The following SENP6 variants were observed in gnomAD, a reference collection of about 807,000 sequenced individuals.
The protein encoded by SENP6 is sentrin-specific protease 6.
Under a neutral mutation model 134.5 loss-of-function variants are expected in SENP6, and 41 were observed. The observed-to-expected ratio is 0.30, with a 90% CI of 0.24 to 0.40. SENP6 has a LOEUF of 0.40. Ranked by LOEUF, SENP6 falls within the 10% of genes least tolerant of loss-of-function variation. The probability of loss-of-function intolerance (pLI) is 1.00; values close to 1 mark genes in which losing one functional copy is unlikely to be tolerated. For synonymous variants in SENP6, 395 were observed against 429.8 expected (o/e 0.92, Z 1.00); for missense variants, 1,248 against 1,312.5 (o/e 0.95, Z 0.76).
At position 75,717,738 on chromosome 6, in the gene SENP6, T is replaced by C. The variant is rs566750972; in HGVS notation, c.*2144T>C. 17 of 152,306 alleles carry C rather than the reference T, an allele frequency of 1.1e-4. No homozygotes were observed. Among genetic ancestry groups the C allele is most frequent in the South Asian group, 6.2e-4 (3 of 4,832 alleles). 9.4% of individuals were successfully genotyped at this position (152,306 alleles called of 1,614,324 possible). On this transcript the variant is annotated 3_prime_UTR_variant, in exon 24 of 24. Coordinates refer to ENST00000447266, the MANE Select transcript of SENP6 (RefSeq NM_015571.4). Reference sequence around the variant, plus strand: ...CTTAGAAGTTGTAAAACAGAACTTATAGAGGTTTGTTACTAGACACTGAAA... The same window carrying C: ...CTTAGAAGTTGTAAAACAGAACTTACAGAGGTTTGTTACTAGACACTGAAA...
At chr6:75,629,347 G>A (rs1425603598) in intron 3 of SENP6, among the ~76,000 whole-genome samples, 3 of 152,060 alleles carry the variant, frequency 2.0e-5, no homozygotes, top group Non-Finnish European at 4.4e-5. Flanking sequence ...CCCCCAGGCA[G>A]GAGTGCAGTG....
At chr6:75,694,289 A>C (rs573280099) in intron 16 of SENP6, among the ~76,000 whole-genome samples, 1 of 152,324 alleles carries the variant, frequency 6.6e-6, no homozygotes, top group African/African-American at 2.4e-5. Context: ...ATGTAAGATC[A>C]CTTTACAGAG....
At chr6:75,612,539 C>T (rs1184993777) in intron 1 of SENP6, among the ~76,000 whole-genome samples, 1 of 152,034 alleles carries the variant, frequency 6.6e-6, no homozygotes, top group African/African-American at 2.4e-5. Context: ...CTATGCTGCT[C>T]AGGCTGCTCT....
In SENP6 at chr6:75,685,636, C is replaced by T. The variant is rs532312273; in HGVS notation, c.2075+6709C>T. ...CTGGTTTCAAAGAACATCTTTATTT[C>T]TGTCTTCATTTCGTTATTTACCCGT... On this transcript the variant is annotated intron_variant, in intron 16 of 23. Transcript: ENST00000447266. 5.9e-5 allele frequency among the ~76,000 whole-genome samples: 9 copies of T among 152,298 alleles called. No homozygotes were observed. The East Asian group carries it at 1.7e-3, about 29-fold the overall frequency.
intron 1 of SENP6, chr6:75,620,633 C>G (rs953096440): frequency 2.0e-5 from 3 of 152,220 alleles, no homozygotes; most frequent in African/African-American, 7.2e-5. Context: ...TGAGAACATT[C>G]AGACCATAGC....
At chr6:75,622,877 G>A (rs1020513670) in intron 2 of SENP6, 3 of 1,127,208 alleles carry the variant, frequency 2.7e-6, no homozygotes, top group Non-Finnish European at 3.5e-6. Flanking sequence ...CTCATTTAAA[G>A]TCAGTATTTT....
intron 18 of SENP6, among the ~76,000 whole-genome samples, chr6:75,702,267 G>T (rs978517080): frequency 6.7e-6 from 1 of 149,948 alleles, no homozygotes; most frequent in Non-Finnish European, 1.5e-5. Flanking sequence ...CCCCAAGCTG[G>T]AATGCTGTGG....
intron 17 of SENP6, among the ~76,000 whole-genome samples, chr6:75,696,620 G>GCA (rs1774682062): frequency 1.3e-5 from 2 of 152,042 alleles, no homozygotes; most frequent in African/African-American, 4.8e-5. Context: ...TGGGACTAAG[G>GCA]CACACGCCAC....
intron 16 of SENP6, among the ~76,000 whole-genome samples, chr6:75,690,782 G>A (rs1023866661): frequency 4.0e-5 from 6 of 151,080 alleles, no homozygotes; most frequent in African/African-American, 1.5e-4. Context: ...TGCAAGCTCC[G>A]CCTCACGGGT....
rs527809755 is a variant in SENP6, at chr6:75,702,497, C to T, written c.2289-148C>T. 6.3e-5 allele frequency: 44 copies of T among 700,554 alleles called. 1 individual carries two copies. The South Asian group carries it at 7.2e-4, about 11-fold the overall frequency. 43.4% of individuals were successfully genotyped at this position (700,554 alleles called of 1,614,324 possible). On this transcript the variant is annotated intron_variant, in intron 18 of 23. Coordinates refer to ENST00000447266, the MANE Select transcript of SENP6 (RefSeq NM_015571.4). The stretch of plus-strand genomic sequence containing the variant: ...CCTCCCAAAGTGCTGGGATTACTGG[C>T]GTGAGCTACTGCGCCCGGCCAGAAT...
chr6:75,691,460 T>C (rs1339398975), intron 16 of SENP6, among the ~76,000 whole-genome samples: 1 of 152,236 alleles, frequency 6.6e-6, no homozygotes, highest in Non-Finnish European at 1.5e-5. Context: ...TTCCATTTTA[T>C]GGAATAGCAA....
At chr6:75,709,979 T>G (rs1347061371) in intron 20 of SENP6, among the ~76,000 whole-genome samples, 2 of 152,208 alleles carry the variant, frequency 1.3e-5, no homozygotes, top group African/African-American at 4.8e-5. Flanking sequence ...TTGCTGCTAC[T>G]GTGGTGTGGA....
chr6:75,667,262 A>G (rs112225378), intron 10 of SENP6, among the ~76,000 whole-genome samples: 2,583 of 152,316 alleles, frequency 0.017, 75 homozygotes, highest in African/African-American at 0.06. Context: ...ATTTTACTGT[A>G]ATACTATGTT....
intron 16 of SENP6, among the ~76,000 whole-genome samples, chr6:75,688,118 C>G (rs1207225282): frequency 6.6e-6 from 1 of 152,242 alleles, no homozygotes. Context: ...GCCCCTCCCC[C>G]AGTCAGGCTC....
intron 1 of SENP6, among the ~76,000 whole-genome samples, chr6:75,609,119 A>T (rs1314178565): frequency 7.3e-6 from 1 of 137,522 alleles, no homozygotes; most frequent in East Asian, 1.9e-4. Flanking sequence ...GGCACAGCTT[A>T]AGTTATTGGG....
In SENP6 at chr6:75,713,785, G is replaced by A; in HGVS notation, c.3089G>A (p.Cys1030Tyr). ...CCACAGCAAAACAACTTCAGTGACT[G>A]TGGTGTATATGTATTGCAGTATGTA... Reference protein sequence around the residue: ...KVPQQNNFSDCGVYVLQYVES... With the variant: ...KVPQQNNFSDYGVYVLQYVES... Residue 1030 changes from cysteine to tyrosine, a missense_variant, in exon 23 of 24, where the codon TGT becomes TAT. Around this residue, in one of 3 missense-constraint regions of SENP6, gnomAD observed 386 missense variants for 395.0 expected, o/e 0.98. Transcript: ENST00000447266. The A allele has an allele frequency of 1.2e-6, 2 of 1,613,516 alleles. No individual in the cohort carries two copies. Among genetic ancestry groups the A allele is most frequent in the Non-Finnish European group, 8.5e-7 (1 of 1,179,662 alleles).
chr6:75,608,551 GAAA>G (rs1300045768), intron 1 of SENP6, among the ~76,000 whole-genome samples: 10 of 151,714 alleles, frequency 6.6e-5, no homozygotes, highest in African/African-American at 2.4e-4. Context: ...AAGAAAGGAA[GAAA>G]GAAAGGAAGG....
chr6:75,604,810 C>T (rs1394603658), intron 1 of SENP6, among the ~76,000 whole-genome samples: 1 of 152,156 alleles, frequency 6.6e-6, no homozygotes, highest in Non-Finnish European at 1.5e-5. Context: ...TGGTGGCTCA[C>T]GCCTGTAATC....
At chr6:75,635,972 G>A (rs1382343555) in intron 5 of SENP6, among the ~76,000 whole-genome samples, 1 of 151,634 alleles carries the variant, frequency 6.6e-6, no homozygotes, top group Non-Finnish European at 1.5e-5. Context: ...CATTATTTTT[G>A]CTTTTGAAGT....
Sources: gnomAD v4.1 joint callset for allele counts (sites outside exome capture counted in the v4.1 genomes callset) on GRCh38, gnomAD v4.1.1 for gene constraint, gnomAD v4.1.1 regional missense constraint, MANE v1.5 for transcripts, NCBI Gene and HGNC (gene_info 2026-07-23, HGNC 2026-07-21) for gene names.